The following GAGE10 variants were observed in gnomAD, a reference collection of about 807,000 sequenced individuals.
GAGE10 encodes G antigen 10.
Under a neutral mutation model 11.5 loss-of-function variants are expected in GAGE10, and 9 were observed. The ratio of observed to expected loss-of-function variants is 0.78; its 90% confidence interval spans 0.47 to 1.37. The LOEUF (loss-of-function observed/expected upper bound fraction) is 1.37. GAGE10 is among the 40% of genes most tolerant of loss of function. The pLI is 0.00. For synonymous variants in GAGE10, 23 were observed against 29.7 expected, an observed-to-expected ratio of 0.77 and a Z score of 0.73; for missense variants, 83 against 92.9, an observed-to-expected ratio of 0.89 and a Z score of 0.44.
intron 4 of GAGE10, among the ~76,000 whole-genome samples, chrX:49,317,815 A>G (rs5905731): frequency 9.7e-6 from 1 of 102,921 alleles, no homozygotes; most frequent in African/African-American, 3.6e-5. Flanking sequence ...AGTTTTGAGT[A>G]TAAATCCTTA....
In GAGE10 at chrX:49,317,186, C is replaced by T. The variant is rs781892670; in HGVS notation, c.226C>T (p.Gln76Ter). The change falls in exon 4 of 5, where the codon CAG (glutamine) becomes TAG (stop). Residue 76 changes from glutamine (Q) to a stop codon, truncating the protein, a stop_gained. Coordinates refer to ENST00000407599, the MANE Select transcript of GAGE10 (RefSeq NM_001098413.4). LOFTEE classifies it high-confidence loss of function. ...ATGGCCGAAGCCTGAAGCTGATAGC[C>T]AGGAACAGGTTCACCCAAAGACTGG... Reference protein sequence around the residue: ...GQGPKPEADSQEQVHPKTGCE... With the variant: ...GQGPKPEADS 3 of 1,205,669 alleles carry T rather than the reference C, an allele frequency of 2.5e-6. No individual in the cohort carries two copies. The East Asian group carries it at 8.9e-5, about 36-fold the overall frequency.
intron 3 of GAGE10, among the ~76,000 whole-genome samples, chrX:49,309,496 G>C (rs1557124509): frequency 1.8e-5 from 2 of 112,181 alleles, no homozygotes; most frequent in Non-Finnish European, 3.8e-5. Flanking sequence ...GCAGTTTATT[G>C]TAGAATGCTC....
At chrX:49,309,476 G>A (rs781957795) in intron 3 of GAGE10, among the ~76,000 whole-genome samples, 12 of 112,081 alleles carry the variant, frequency 1.1e-4, no homozygotes, top group African/African-American at 3.9e-4. Flanking sequence ...AATGAATGCA[G>A]CCCTGCCTAG....
chrX:49,307,059 C>G (rs1392781808), intron 3 of GAGE10, among the ~76,000 whole-genome samples: 1 of 111,442 alleles, frequency 9.0e-6, no homozygotes, highest in Non-Finnish European at 1.9e-5. Context: ...GTCATATATT[C>G]TTTTAAATTT....
At chrX:49,316,824 C>G (rs782339383) in intron 3 of GAGE10, among the ~76,000 whole-genome samples, 1 of 110,793 alleles carries the variant, frequency 9.0e-6, no homozygotes, top group South Asian at 3.9e-4. Flanking sequence ...ATATAACAGT[C>G]TAAGTGCTAG....
intron 1 of GAGE10, among the ~76,000 whole-genome samples, chrX:49,304,132 G>A (rs2066346886): frequency 8.9e-6 from 1 of 111,849 alleles, no homozygotes; most frequent in Non-Finnish European, 1.9e-5. Context: ...ATCCCTGAAT[G>A]AGGTCCCGGA....
At chrX:49,306,683 G>T (rs1557124203) in intron 3 of GAGE10, among the ~76,000 whole-genome samples, 1 of 111,833 alleles carries the variant, frequency 8.9e-6, no homozygotes, top group Non-Finnish European at 1.9e-5. Context: ...TTTATCCTTA[G>T]ATTGTCATTT....
intron 3 of GAGE10, among the ~76,000 whole-genome samples, chrX:49,307,467 CT>C (rs200464505): frequency 1.3e-4 from 11 of 85,010 alleles, no homozygotes; most frequent in Non-Finnish European, 2.4e-4. Context: ...CAGACAATTT[CT>C]TTTTTCCTTT....
At chrX:49,318,681 C>G in intron 4 of GAGE10, among the ~76,000 whole-genome samples, 1 of 104,079 alleles carries the variant, frequency 9.6e-6, no homozygotes, top group Non-Finnish European at 2.0e-5. Context: ...CATCATCTAG[C>G]ATTAGGTACA....
rs782570738 is a variant in GAGE10 at position 49,313,758 on chromosome X, C to T, written c.203-3405C>T. On this transcript the variant is annotated intron_variant, in intron 3 of 4. Transcript: ENST00000407599. ...AACCAGTGGCAGCAGTGACTCCCGACGATGACCAGTGGATTAGCCAACAAG... is the reference window on the plus strand; with the variant it reads ...AACCAGTGGCAGCAGTGACTCCCGATGATGACCAGTGGATTAGCCAACAAG... Among the ~76,000 whole-genome samples, 9 of 111,646 alleles carry T rather than the reference C, an allele frequency of 8.1e-5. No homozygotes were observed. In the South Asian group the frequency reaches 1.1e-3, roughly 14 times the overall value.
chrX:49,308,360 A>G (rs1162144284), intron 3 of GAGE10, among the ~76,000 whole-genome samples: 1 of 112,413 alleles, frequency 8.9e-6, no homozygotes, highest in East Asian at 2.8e-4. Context: ...GAGACCTGGT[A>G]TCCAAGGCGT....
chrX:49,307,229 C>T (rs782331290), intron 3 of GAGE10, among the ~76,000 whole-genome samples: 1 of 111,841 alleles, frequency 8.9e-6, no homozygotes, highest in South Asian at 3.7e-4. Flanking sequence ...CACACTCACA[C>T]ACACACACAT....
chrX:49,309,975 C>T (rs1253681615), intron 3 of GAGE10, among the ~76,000 whole-genome samples: 5 of 111,757 alleles, frequency 4.5e-5, no homozygotes, highest in Non-Finnish European at 9.4e-5. Flanking sequence ...ACGAAGGTGC[C>T]GAGAAACACT....
At position 49,317,226 on chromosome X, in the gene GAGE10, A is replaced by G; in HGVS notation, c.266A>G (p.Asp89Gly). Reference protein sequence around the residue: ...VHPKTGCECGDGPDGQEMGLP... With the variant: ...VHPKTGCECGGGPDGQEMGLP... ...CCAAAGACTGGGTGTGAGTGTGGAG[A>G]TGGTCCTGATGGCCAGGAGATGGGC... The change falls in exon 4 of 5, where the codon GAT (aspartate) becomes GGT (glycine). Residue 89 changes from aspartate (D) to glycine (G), a missense_variant. By Grantham distance (94) the Asp-to-Gly change is moderately conservative. Coordinates refer to ENST00000407599, the MANE Select transcript of GAGE10 (RefSeq NM_001098413.4). 1 of 1,207,198 alleles carries G rather than the reference A, an allele frequency of 8.3e-7. No homozygotes were observed.
intron 3 of GAGE10, among the ~76,000 whole-genome samples, chrX:49,307,125 A>G (rs1477928782): frequency 8.9e-6 from 1 of 112,043 alleles, no homozygotes. Context: ...GAATAGTACA[A>G]TGAACTCCTA....
intron 3 of GAGE10, 40 bp from the exon 4 acceptor site, chrX:49,317,123 G>C: frequency 8.6e-7 from 1 of 1,164,523 alleles, no homozygotes; most frequent in Non-Finnish European, 1.2e-6. Context: ...CATATTTCAT[G>C]TTTTACTGCT....
chrX:49,306,829 A>T (rs1466377314), intron 3 of GAGE10, among the ~76,000 whole-genome samples: 1 of 80,948 alleles, frequency 1.2e-5, no homozygotes, highest in Non-Finnish European at 3.0e-5. Flanking sequence ...TATCACTAAT[A>T]AATAAATAAA....
At chrX:49,312,425 T>C (rs1275447691) in intron 3 of GAGE10, among the ~76,000 whole-genome samples, 1 of 112,938 alleles carries the variant, frequency 8.9e-6, no homozygotes, top group East Asian at 2.8e-4. Context: ...TATTGGCTAC[T>C]GAAGGAAAAG....
At chrX:49,308,066 A>G (rs1420316024) in intron 3 of GAGE10, among the ~76,000 whole-genome samples, 3 of 112,008 alleles carry the variant, frequency 2.7e-5, no homozygotes, top group Non-Finnish European at 3.8e-5. Context: ...TCAATTGAGT[A>G]ACTGTATTTG....
Sources: allele counts gnomAD v4.1 joint callset (sites outside exome capture counted in the v4.1 genomes callset), GRCh38; gene constraint gnomAD v4.1.1; transcripts MANE v1.5; gene names NCBI Gene and HGNC (gene_info 2026-07-23, HGNC 2026-07-21).